ITGA8: variants seen among roughly 807,000 people sequenced by gnomAD.
ITGA8 encodes the protein integrin alpha-8.
ITGA8 carries 91 observed loss-of-function variants against 142.3 expected under a neutral mutation model. That is an observed-to-expected ratio of 0.64 (90% CI 0.54 to 0.76). The LOEUF is 0.76. Among genes scored for constraint, ITGA8 ranks in the 30% least tolerant of loss-of-function variants. The pLI is 0.00. For missense variants in ITGA8, 1,406 were observed against 1,327.7 expected (o/e 1.06, Z -0.92); for synonymous variants, 505 against 485.2 (o/e 1.04, Z -0.54).
chr10:15,690,331 C>A (rs1472966813), intron 2 of ITGA8, among the ~76,000 whole-genome samples: 2 of 152,174 alleles, frequency 1.3e-5, no homozygotes, highest in African/African-American at 2.4e-5. Context: ...GCCCTACTTT[C>A]CAGGGCCTGA....
At chr10:15,539,115 G>T (rs1833517069) in intron 27 of ITGA8, among the ~76,000 whole-genome samples, 1 of 152,034 alleles carries the variant, frequency 6.6e-6, no homozygotes, top group Non-Finnish European at 1.5e-5. Flanking sequence ...GTGTGTGCTT[G>T]CTTCTTCCAT....
At chr10:15,681,851 G>A (rs894695123) in intron 4 of ITGA8, among the ~76,000 whole-genome samples, 1 of 152,168 alleles carries the variant, frequency 6.6e-6, no homozygotes, top group Non-Finnish European at 1.5e-5. Flanking sequence ...ATGGACAGGT[G>A]TAAATATTGA....
intron 9 of ITGA8, among the ~76,000 whole-genome samples, chr10:15,659,792 C>T (rs557206079): frequency 2.0e-5 from 3 of 152,280 alleles, no homozygotes; most frequent in East Asian, 3.9e-4. Flanking sequence ...CAGAAGGCCA[C>T]ATGAGGATGG....
chr10:15,527,359 T>G (rs2131537873), intron 28 of ITGA8, among the ~76,000 whole-genome samples: 1 of 152,326 alleles, frequency 6.6e-6, no homozygotes, highest in South Asian at 2.1e-4. Context: ...CATGAAATAT[T>G]TTGTAATAAC....
At chr10:15,659,812 C>T (rs543849961) in intron 9 of ITGA8, among the ~76,000 whole-genome samples, 13 of 152,182 alleles carry the variant, frequency 8.5e-5, no homozygotes, top group Non-Finnish European at 1.6e-4. Flanking sequence ...GAGGCAGAGA[C>T]TGGTGGGATG....
chr10:15,708,475 A>G (rs1835302936), intron 2 of ITGA8, among the ~76,000 whole-genome samples: 1 of 152,186 alleles, frequency 6.6e-6, no homozygotes, highest in African/African-American at 2.4e-5. Context: ...ATCTGTTCAC[A>G]AAAACATCCT....
At chr10:15,621,956 G>A (rs1469217369) in intron 13 of ITGA8, among the ~76,000 whole-genome samples, 2 of 152,092 alleles carry the variant, frequency 1.3e-5, no homozygotes, top group Non-Finnish European at 2.9e-5. Context: ...TCAGGAGTTC[G>A]AGACCAGCCT....
At chr10:15,671,264 A>T (rs1010598555) in intron 8 of ITGA8, among the ~76,000 whole-genome samples, 8 of 152,168 alleles carry the variant, frequency 5.3e-5, no homozygotes, top group Non-Finnish European at 1.2e-4. Flanking sequence ...CCAATATGAG[A>T]GGTACTAGAA....
Position 15,531,075 on chromosome 10 carries a change from G to A in ITGA8, c.2957C>T (p.Ala986Val). 2 of 1,576,010 alleles carry A rather than the reference G, an allele frequency of 1.3e-6. No individual in the cohort carries two copies. Among genetic ancestry groups the A allele is most frequent in the Non-Finnish European group, 1.7e-6 (2 of 1,160,696 alleles). Residue 986 changes from alanine to valine, a missense_variant, in exon 28 of 30, where the codon GCA becomes GTA. Coordinates refer to ENST00000378076, the MANE Select transcript of ITGA8 (RefSeq NM_003638.3). ...VKKMPYTDQP[A>V]KLPEGSIVIK... is the part of the protein sequence containing the mutation. Reference sequence around the variant, plus strand: ...TACTATGCTTCCTTCTGGGAGTTTTGCTGGCTGATCTGTATAAGGCATCTT... The same window carrying A: ...TACTATGCTTCCTTCTGGGAGTTTTACTGGCTGATCTGTATAAGGCATCTT...
intron 11 of ITGA8, among the ~76,000 whole-genome samples, chr10:15,648,436 C>T (rs1014543922): frequency 1.3e-5 from 2 of 149,418 alleles, no homozygotes; most frequent in African/African-American, 4.9e-5. Flanking sequence ...TATATTAATA[C>T]ATTAATGTAT....
chr10:15,711,433 C>T (rs1588745266), intron 2 of ITGA8, among the ~76,000 whole-genome samples: 1 of 152,256 alleles, frequency 6.6e-6, no homozygotes, highest in South Asian at 2.1e-4. Flanking sequence ...ATCATCATAT[C>T]AAATATGTAA....
intron 13 of ITGA8, among the ~76,000 whole-genome samples, chr10:15,632,944 C>T (rs960874518): frequency 5.3e-5 from 8 of 152,100 alleles, no homozygotes; most frequent in African/African-American, 1.9e-4. Context: ...TCCAGCTGCC[C>T]TGGCCTTGCT....
intron 24 of ITGA8, among the ~76,000 whole-genome samples, chr10:15,574,577 G>C (rs1287609388): frequency 6.6e-6 from 1 of 152,046 alleles, no homozygotes; most frequent in East Asian, 1.9e-4. Context: ...TTTTAGTAGG[G>C]ATGGGGTTTG....
At chr10:15,636,362 T>C (rs1833772142) in intron 13 of ITGA8, among the ~76,000 whole-genome samples, 1 of 152,190 alleles carries the variant, frequency 6.6e-6, no homozygotes, top group Admixed American at 6.6e-5. Context: ...TGAACACATC[T>C]ACATTTTGAA....
intron 13 of ITGA8, among the ~76,000 whole-genome samples, chr10:15,637,504 A>ATTTTTTTTTTTTTTTT (rs59157680): frequency 2.3e-5 from 3 of 131,162 alleles, no homozygotes; most frequent in Non-Finnish European, 1.7e-5. Context: ...GACTCTTTAA[A>ATTTTTTTTTTTTTTTT]TTTTTTTTTT....
intron 13 of ITGA8, among the ~76,000 whole-genome samples, chr10:15,636,074 T>A (rs1198161581): frequency 6.6e-6 from 1 of 152,214 alleles, no homozygotes; most frequent in African/African-American, 2.4e-5. Flanking sequence ...AGTCTTGGCC[T>A]TCTGCCCATG....
chr10:15,552,987 T>G (rs868125435), intron 26 of ITGA8, among the ~76,000 whole-genome samples: 2 of 152,356 alleles, frequency 1.3e-5, no homozygotes, highest in Non-Finnish European at 2.9e-5. Flanking sequence ...CTGGGTGCGG[T>G]GGCTCACACC....
At chr10:15,536,015 C>G (rs1390054252) in intron 27 of ITGA8, among the ~76,000 whole-genome samples, 1 of 152,006 alleles carries the variant, frequency 6.6e-6, no homozygotes, top group Non-Finnish European at 1.5e-5. Context: ...CGCAGCTTCA[C>G]TCCTGAGCCA....
At chr10:15,592,885 C>A (rs928214628) in intron 21 of ITGA8, among the ~76,000 whole-genome samples, 1 of 152,190 alleles carries the variant, frequency 6.6e-6, no homozygotes, top group Non-Finnish European at 1.5e-5. Context: ...AACCACCACA[C>A]CTGGCCAGAA....
Sources: allele counts gnomAD v4.1 joint callset (sites outside exome capture counted in the v4.1 genomes callset), GRCh38; gene constraint gnomAD v4.1.1; transcripts MANE v1.5; gene names NCBI Gene and HGNC (gene_info 2026-07-23, HGNC 2026-07-21).